ZNF367: variants seen among roughly 807,000 people sequenced by gnomAD.
ZNF367 encodes C2H2 zinc finger protein ZFF29.
In ZNF367, 11 loss-of-function variants were observed where a neutral mutation model predicts 31.8. The observed-to-expected ratio is 0.35, with a 90% CI of 0.22 to 0.57. ZNF367 has a LOEUF of 0.57. ZNF367 is among the 20% of genes least tolerant of loss of function. ZNF367 has a pLI of 0.85. For missense variants in ZNF367, 353 were observed against 484.1 expected, an observed-to-expected ratio of 0.73 and a Z score of 2.54; for synonymous variants, 199 against 202.4, an observed-to-expected ratio of 0.98 and a Z score of 0.14.
chr9:96,399,490 C>G (rs1831573566), intron 1 of ZNF367, among the ~76,000 whole-genome samples: 1 of 152,054 alleles, frequency 6.6e-6, no homozygotes, highest in Non-Finnish European at 1.5e-5. Flanking sequence ...GCACTGTAGC[C>G]TGAGTGACAG....
At chr9:96,401,195 C>T (rs1174561194) in intron 1 of ZNF367, among the ~76,000 whole-genome samples, 1 of 152,034 alleles carries the variant, frequency 6.6e-6, no homozygotes, top group Non-Finnish European at 1.5e-5. Context: ...CACTGGACTT[C>T]AGCCTGGGGA....
Position 96,418,201 on chromosome 9 carries a change from C to T in ZNF367, c.-169G>A. 4 of 1,069,898 alleles carry T rather than the reference C, an allele frequency of 3.7e-6. No individual in the cohort carries two copies. Among genetic ancestry groups the T allele is most frequent in the Non-Finnish European group, 4.8e-6 (4 of 834,372 alleles). The allele number at this position is 1,069,898 out of a possible 1,614,324, so 66.3% of individuals were successfully genotyped here. A position where few individuals can be genotyped will look rare whatever the true frequency, so the allele number is the denominator to read the frequency against. On this transcript the variant is annotated 5_prime_UTR_variant, in exon 1 of 5. The change creates a new upstream start codon in the 5' untranslated region. Transcript: ENST00000375256. ...CACCTAACTAGTTGAGCAGACGGCA[C>T]CGGCGGGCAGGGCTGGACCCCAGCC...
In ZNF367 at chr9:96,417,738, C is replaced by T. The variant is rs1398588680; in HGVS notation, c.295G>A (p.Ala99Thr). Residue 99 changes from alanine to threonine, a missense_variant, in exon 1 of 5, where the codon GCA becomes ACA. This residue lies in a region of ZNF367 where 70 missense variants were observed against 57.1 expected (regional missense o/e 1.23). Transcript: ENST00000375256. The surrounding 1 kb of genome is among the most constrained non-coding windows in gnomAD (Gnocchi z 5.0). ...AAASAALPAA[A>T]AAEHSGLRGR... ...CGAAGCCCCGAGTGCTCGGCGGCTG[C>T]GGCTGCAGGCAGGGCGGCCGAGGCG... is the stretch of plus-strand genomic sequence containing the variant. The T allele has an allele frequency of 1.3e-5, 16 of 1,228,490 alleles. No individual in the cohort carries two copies. Among genetic ancestry groups the T allele is most frequent in the Non-Finnish European group, 1.2e-5 (12 of 985,070 alleles). The allele number at this position is 1,228,490 out of a possible 1,614,324, so 76.1% of individuals were successfully genotyped here.
intron 1 of ZNF367, among the ~76,000 whole-genome samples, chr9:96,409,655 T>A (rs2131080907): frequency 6.6e-6 from 1 of 152,310 alleles, no homozygotes; most frequent in South Asian, 2.1e-4. Context: ...AATTAACAAA[T>A]CAACTTCTGG....
intron 1 of ZNF367, among the ~76,000 whole-genome samples, chr9:96,412,198 A>G (rs186435684): frequency 6.6e-6 from 1 of 152,370 alleles, no homozygotes; most frequent in East Asian, 1.9e-4. Context: ...TGTTACACTC[A>G]GCAGCCAAGT....
chr9:96,389,896 ATTTTTTTTTTT>A (rs777507011), intron 4 of ZNF367, among the ~76,000 whole-genome samples: 5 of 94,034 alleles, frequency 5.3e-5, no homozygotes, highest in East Asian at 2.7e-4. Flanking sequence ...TGCCTGGCTA[ATTTTTTTTTTT>A]TTTTTTTTTT....
chr9:96,401,655 C>G (rs1486108515), intron 1 of ZNF367, among the ~76,000 whole-genome samples: 2 of 93,574 alleles, frequency 2.1e-5, no homozygotes, highest in East Asian at 2.7e-4. Context: ...GAAGCTCCGT[C>G]TCAAAAAAAA....
chr9:96,399,062 G>A (rs1831567966), intron 1 of ZNF367, among the ~76,000 whole-genome samples: 1 of 152,118 alleles, frequency 6.6e-6, no homozygotes, highest in South Asian at 2.1e-4. Flanking sequence ...GAAAAGCTGG[G>A]AGAAAGTTTC....
In ZNF367 at chr9:96,387,087, G is replaced by A. The variant is rs1004999086; in HGVS notation, c.*1150C>T. 1 of 152,092 alleles carries A rather than the reference G, an allele frequency of 6.6e-6. No individual in the cohort carries two copies. The allele number at this position is 152,092 out of a possible 1,614,324, so 9.4% of individuals were successfully genotyped here. A position where few individuals can be genotyped will look rare whatever the true frequency, so the allele number is the denominator to read the frequency against. ...GTTTAATAACTTTATTTGGAAAAATGGCTTCAAACCACCACACAAGTTAAC... is the reference window on the plus strand; with the variant it reads ...GTTTAATAACTTTATTTGGAAAAATAGCTTCAAACCACCACACAAGTTAAC... On this transcript the variant is annotated 3_prime_UTR_variant, in exon 5 of 5. Coordinates refer to ENST00000375256, the MANE Select transcript of ZNF367 (RefSeq NM_153695.4).
intron 1 of ZNF367, among the ~76,000 whole-genome samples, chr9:96,416,484 T>C (rs558360508): frequency 1.3e-5 from 2 of 152,356 alleles, no homozygotes; most frequent in East Asian, 3.9e-4. Context: ...TTAATAATAA[T>C]GCCACATAAA....
rs2131068636 is a variant in ZNF367, at chr9:96,388,157, GT to G, written c.*79del. On this transcript the variant is annotated 3_prime_UTR_variant, in exon 5 of 5. Transcript: ENST00000375256. Reference sequence around the variant, plus strand: ...TAGCAGCCTATGATAAGCAAATAAGGTGCTTAGCTTATGCCCAAGGATCTAC... The same window carrying G: ...TAGCAGCCTATGATAAGCAAATAAGGGCTTAGCTTATGCCCAAGGATCTAC... 1 of 1,349,416 alleles carries G rather than the reference GT, an allele frequency of 7.4e-7. No individual in the cohort carries two copies. Among genetic ancestry groups the G allele is most frequent in the Non-Finnish European group, 1.0e-6 (1 of 989,356 alleles). The allele number at this position is 1,349,416 out of a possible 1,614,324, so 83.6% of individuals were successfully genotyped here.
intron 1 of ZNF367, among the ~76,000 whole-genome samples, chr9:96,415,478 CATTTTTTTT>C (rs1564146072): frequency 3.1e-5 from 2 of 65,520 alleles, no homozygotes; most frequent in Admixed American, 2.1e-4. Context: ...TTAGTTTCTT[CATTTTTTTT>C]TTTTTTTTTT....
chr9:96,391,647 C>T (rs1029448016), intron 4 of ZNF367, among the ~76,000 whole-genome samples: 19 of 152,188 alleles, frequency 1.2e-4, no homozygotes, highest in African/African-American at 4.8e-5. Context: ...GCCCTTCAAC[C>T]GAAATATCCT....
At chr9:96,413,248 C>T (rs1384747629) in intron 1 of ZNF367, among the ~76,000 whole-genome samples, 2 of 152,128 alleles carry the variant, frequency 1.3e-5, no homozygotes, top group Non-Finnish European at 2.9e-5. Flanking sequence ...ATTCAAAATG[C>T]TCAACACAGA....
At chr9:96,408,421 A>G (rs1167852528) in intron 1 of ZNF367, among the ~76,000 whole-genome samples, 3 of 152,230 alleles carry the variant, frequency 2.0e-5, no homozygotes, top group Admixed American at 1.3e-4. Flanking sequence ...GTGTGTTAGT[A>G]ACAATGGAAA....
chr9:96,387,659 C>G lies in ZNF367; in HGVS notation c.*578G>C, dbSNP rs1045884494. 41 of 152,138 alleles carry G rather than the reference C, an allele frequency of 2.7e-4. No individual in the cohort carries two copies. The highest frequency in any genetic ancestry group is 8.9e-4 in the African/African-American group (37 of 41,410). The allele number at this position is 152,138 out of a possible 1,614,324, so 9.4% of individuals were successfully genotyped here. A position where few individuals can be genotyped will look rare whatever the true frequency, so the allele number is the denominator to read the frequency against. On this transcript the variant is annotated 3_prime_UTR_variant, in exon 5 of 5. Transcript: ENST00000375256. ...AACTATTGTGCATCTTACCAAGAGC[C>G]TCAAATATCTATTTTCTTCTAAGTC... is the stretch of plus-strand genomic sequence containing the variant.
chr9:96,415,686 C>G (rs1235666664), intron 1 of ZNF367, among the ~76,000 whole-genome samples: 4 of 151,254 alleles, frequency 2.6e-5, no homozygotes, highest in Non-Finnish European at 5.9e-5. Flanking sequence ...TTAGTAGAGA[C>G]AGGGTTTCAC....
chr9:96,397,941 T>C (rs561058350), intron 2 of ZNF367, among the ~76,000 whole-genome samples: 1 of 151,654 alleles, frequency 6.6e-6, no homozygotes, highest in East Asian at 1.9e-4. Context: ...AATACAAAAA[T>C]TAGCTGGGCG....
chr9:96,391,272 TAAAC>T (rs756587819), intron 4 of ZNF367, among the ~76,000 whole-genome samples: 4 of 152,156 alleles, frequency 2.6e-5, no homozygotes, highest in African/African-American at 9.6e-5. Context: ...AGGTATAAAA[TAAAC>T]AAATAAATGT....
Sources: allele counts gnomAD v4.1 joint callset (sites outside exome capture counted in the v4.1 genomes callset), GRCh38; gene constraint gnomAD v4.1.1; regional missense constraint gnomAD v4.1.1; non-coding constraint Gnocchi (gnomAD v3.1); transcripts MANE v1.5; gene names NCBI Gene and HGNC (gene_info 2026-07-23, HGNC 2026-07-21).